The following WDR12 variants were observed in gnomAD, a reference collection of about 807,000 sequenced individuals.
The protein encoded by WDR12 is ribosome biogenesis protein WDR12.
Under a neutral mutation model 64.3 loss-of-function variants are expected in WDR12, and 42 were observed. The ratio of observed to expected loss-of-function variants is 0.65; its 90% CI spans 0.51 to 0.84. The LOEUF (loss-of-function observed/expected upper bound fraction) is 0.84. Among genes scored for constraint, WDR12 ranks in the 40% least tolerant of loss-of-function variants. The pLI, the probability that WDR12 is intolerant of heterozygous loss-of-function variation, is 0.00. For synonymous variants in WDR12, 158 were observed against 173.3 expected (o/e 0.91, Z 0.70); for missense variants, 469 against 494.6 (o/e 0.95, Z 0.49).
chr2:202,911,514 G>C lies in WDR12; in HGVS notation c.-38C>G, dbSNP rs553690354. 1.2e-6 allele frequency: 2 copies of C among 1,606,648 alleles called. No homozygotes were observed. Among genetic ancestry groups the C allele is most frequent in the African/African-American group, 1.3e-5 (1 of 74,742 alleles). On this transcript the variant is annotated 5_prime_UTR_variant, in exon 1 of 13. Transcript: ENST00000261015. ...ACACGACTTGCCCACGGAAACGTAC[G>C]GGTTAGCAGACCCACAACACGAAGC...
chr2:202,874,487 T>G lies in WDR12; in HGVS notation c.*6373A>C, dbSNP rs917528074. Among the ~76,000 whole-genome samples the G allele has an allele frequency of 1.3e-5, 2 of 152,196 alleles. No homozygotes were observed. The highest frequency in any genetic ancestry group is 2.9e-5 in the Non-Finnish European group (2 of 68,028). ...TTCTTTAAAGACTAATGGTCTTCAC[T>G]TTTGTTTTTGTGCAAACCTCTGGTT... On this transcript the variant is annotated 3_prime_UTR_variant, in exon 13 of 13. Coordinates refer to ENST00000261015, the MANE Select transcript of WDR12 (RefSeq NM_018256.4).
At chr2:202,890,565 C>G (rs1197766403) in intron 8 of WDR12, among the ~76,000 whole-genome samples, 1 of 151,636 alleles carries the variant, frequency 6.6e-6, no homozygotes, top group Admixed American at 6.6e-5. Flanking sequence ...GTCAGGAGAT[C>G]GAGACCATCC....
At chr2:202,890,785 AAT>A (rs1483392408) in intron 8 of WDR12, among the ~76,000 whole-genome samples, 15 of 150,588 alleles carry the variant, frequency 1.0e-4, no homozygotes, top group South Asian at 2.1e-4. Context: ...AAAAAAAAAA[AAT>A]TTTTTTTTTC....
intron 1 of WDR12, among the ~76,000 whole-genome samples, chr2:202,910,253 T>G (rs1688544196): frequency 6.6e-6 from 1 of 152,178 alleles, no homozygotes; most frequent in South Asian, 2.1e-4. Context: ...CTGGACGCAG[T>G]GGGTCATGCC....
Position 202,880,748 on chromosome 2 carries a change from C to A in WDR12, c.*112G>T. Reference sequence around the variant, plus strand: ...CGTTAGCTGTTATGAAGGGTGAAAACATTATATAAACTTCAAAAGGCTGCT... The same window carrying A: ...CGTTAGCTGTTATGAAGGGTGAAAAAATTATATAAACTTCAAAAGGCTGCT... On this transcript the variant is annotated 3_prime_UTR_variant, in exon 13 of 13. Coordinates refer to ENST00000261015, the MANE Select transcript of WDR12 (RefSeq NM_018256.4). 3 of 798,274 alleles carry A rather than the reference C, an allele frequency of 3.8e-6. No individual in the cohort carries two copies. Among genetic ancestry groups the A allele is most frequent in the Non-Finnish European group, 5.7e-6 (3 of 525,930 alleles). 49.4% of individuals were successfully genotyped at this position (798,274 alleles called of 1,614,324 possible).
At chr2:202,900,928 C>G (rs1688337047) in intron 3 of WDR12, 97 bp downstream of exon 3, 1 of 912,624 alleles carries the variant, frequency 1.1e-6, no homozygotes, top group African/African-American at 1.7e-5. Context: ...AGAATCTTTG[C>G]TACTAAAGAT....
rs1687863957 is a variant in WDR12, at chr2:202,876,646, CTG to C, written c.*4212_*4213del. ...GCCATAGTAATATCTATTAAAAAAT[CTG>C]TATTTTTGGCCAGGCACAGTGGCAT... On this transcript the variant is annotated 3_prime_UTR_variant, in exon 13 of 13. Coordinates refer to ENST00000261015, the MANE Select transcript of WDR12 (RefSeq NM_018256.4). 1 of 152,170 alleles carries C rather than the reference CTG, an allele frequency of 6.6e-6. No homozygotes were observed. Among genetic ancestry groups the C allele is most frequent in the East Asian group, 1.9e-4 (1 of 5,168 alleles). The allele number at this position is 152,170 out of a possible 1,614,324, so 9.4% of individuals were successfully genotyped here.
chr2:202,886,044 C>T (rs1213122575), intron 8 of WDR12, among the ~76,000 whole-genome samples: 1 of 151,802 alleles, frequency 6.6e-6, no homozygotes, highest in Non-Finnish European at 1.5e-5. Context: ...CCCACTCCTG[C>T]AGTGGGCCAC....
intron 7 of WDR12, among the ~76,000 whole-genome samples, chr2:202,894,219 GATT>G (rs1688201355): frequency 8.2e-6 from 1 of 121,538 alleles, no homozygotes; most frequent in Non-Finnish European, 1.9e-5. Context: ...TCACTAAACT[GATT>G]TTTTTTTTTT....
intron 2 of WDR12, among the ~76,000 whole-genome samples, chr2:202,903,458 A>C: frequency 3.5e-5 from 1 of 28,910 alleles, no homozygotes; most frequent in South Asian, 1.1e-3. Flanking sequence ...GAAGGAAGGA[A>C]GGAAGGAAGG....
At chr2:202,895,919 G>T in intron 6 of WDR12, 146 bp downstream of exon 6, 2 of 847,444 alleles carry the variant, frequency 2.4e-6, no homozygotes, top group Non-Finnish European at 3.6e-6. Context: ...TATTGTATGA[G>T]TATTTACTCT....
At chr2:202,900,502 G>A (rs1173026772) in intron 3 of WDR12, among the ~76,000 whole-genome samples, 2 of 151,962 alleles carry the variant, frequency 1.3e-5, no homozygotes, top group African/African-American at 4.8e-5. Flanking sequence ...CTTAAAAATG[G>A]TTAAAATTCT....
intron 1 of WDR12, among the ~76,000 whole-genome samples, chr2:202,909,775 G>C (rs1176922356): frequency 6.9e-6 from 1 of 144,140 alleles, no homozygotes; most frequent in Non-Finnish European, 1.6e-5. Flanking sequence ...GAAAAAGCAA[G>C]AATTTTATTA....
chr2:202,909,782 A>ATTATTTATTTATTTATTTATTTATTTAT (rs368055241), intron 1 of WDR12, among the ~76,000 whole-genome samples: 1 of 150,774 alleles, frequency 6.6e-6, no homozygotes, highest in Non-Finnish European at 1.5e-5. Flanking sequence ...CAAGAATTTT[A>ATTATTTATTTATTTATTTATTTATTTAT]TTATTTATTT....
chr2:202,898,073 A>AC (rs1320448820), intron 4 of WDR12, among the ~76,000 whole-genome samples: 20 of 30,106 alleles, frequency 6.6e-4, no homozygotes, highest in African/African-American at 1.1e-3. Flanking sequence ...TTCCAAAACC[A>AC]CCCCCACCCA....
At chr2:202,898,580 CTT>C (rs561580276) in intron 4 of WDR12, among the ~76,000 whole-genome samples, 63 of 152,336 alleles carry the variant, frequency 4.1e-4, no homozygotes, top group Non-Finnish European at 6.9e-4. Context: ...ATAATCTACT[CTT>C]GAGTTGTTTT....
At chr2:202,892,338 G>T (rs749854541) in intron 8 of WDR12, among the ~76,000 whole-genome samples, 21 of 152,092 alleles carry the variant, frequency 1.4e-4, no homozygotes, top group Non-Finnish European at 2.9e-4. Flanking sequence ...ATAATTAAAA[G>T]GTCCAGAATG....
intron 6 of WDR12, among the ~76,000 whole-genome samples, chr2:202,895,138 T>G (rs1325941413): frequency 6.6e-6 from 1 of 152,206 alleles, no homozygotes. Flanking sequence ...TCATAAATCT[T>G]CACCTTTGAA....
rs1381000080 is a variant in WDR12, at chr2:202,874,449, C to A, written c.*6411G>T. Among the ~76,000 whole-genome samples, 1 of 152,148 alleles carries A rather than the reference C, an allele frequency of 6.6e-6. No individual in the cohort carries two copies. Among genetic ancestry groups the A allele is most frequent in the Non-Finnish European group, 1.5e-5 (1 of 68,024 alleles). ...AGGGCTCCACAAATGGGATCCAAAC[C>A]TAGAGTCTTAGTTTCTTTAAAGACT... On this transcript the variant is annotated 3_prime_UTR_variant, in exon 13 of 13. Transcript: ENST00000261015.
Sources: allele counts gnomAD v4.1 joint callset (sites outside exome capture counted in the v4.1 genomes callset), GRCh38; gene constraint gnomAD v4.1.1; transcripts MANE v1.5; gene names NCBI Gene and HGNC (gene_info 2026-07-23, HGNC 2026-07-21).